Variants in CMTM8 observed in about 807,000 individuals in gnomAD.
CMTM8 encodes CKLF-like MARVEL transmembrane domain-containing protein 8.
A neutral mutation model predicts 18.6 loss-of-function variants in CMTM8; 12 were observed. The ratio of observed to expected loss-of-function variants is 0.65; its 90% CI spans 0.41 to 1.05. The LOEUF (loss-of-function observed/expected upper bound fraction) is 1.05. Among genes scored for constraint, CMTM8 ranks in the 50% least tolerant of loss-of-function variants. CMTM8 has a pLI of 0.00. For synonymous variants in CMTM8, 87 were observed against 90.6 expected (o/e 0.96, Z 0.23); for missense variants, 217 against 227.2 (o/e 0.95, Z 0.29).
intron 1 of CMTM8, among the ~76,000 whole-genome samples, chr3:32,265,617 A>C (rs2125540037): frequency 6.6e-6 from 1 of 152,230 alleles, no homozygotes; most frequent in Non-Finnish European, 1.5e-5. Context: ...GCAGAACTGA[A>C]GGAAATAGAG....
intron 1 of CMTM8, among the ~76,000 whole-genome samples, chr3:32,240,120 A>G (rs1394371052): frequency 6.6e-6 from 1 of 152,218 alleles, no homozygotes; most frequent in Non-Finnish European, 1.5e-5. Flanking sequence ...TGGGAGTTAG[A>G]GAATGGGCAC....
intron 1 of CMTM8, among the ~76,000 whole-genome samples, chr3:32,313,945 G>C (rs1208971718): frequency 2.0e-5 from 3 of 152,136 alleles, no homozygotes; most frequent in Admixed American, 6.6e-5. Flanking sequence ...AGTGAGCCAT[G>C]ATCGTACCAC....
intron 1 of CMTM8, among the ~76,000 whole-genome samples, chr3:32,270,238 T>A (rs11129509): frequency 0.99 from 151,472 of 152,310 alleles, 75,331 homozygotes; most frequent in Middle Eastern, 1. Context: ...TTAAATCATG[T>A]TCGAACAAGT....
Position 32,298,432 on chromosome 3 carries a change from A to AC in CMTM8, c.148-58935dup, listed in dbSNP as rs60162214. On this transcript the variant is annotated intron_variant, in intron 1 of 3. Transcript: ENST00000307526. ...TAAAATACAGAGATACTATAAACATACCCCCCTTTTTTTTTTTTTTTTTTT... is the reference window on the plus strand; with the variant it reads ...TAAAATACAGAGATACTATAAACATACCCCCCCTTTTTTTTTTTTTTTTTTT... Among the ~76,000 whole-genome samples the AC allele has an allele frequency of 3.1e-3, 407 of 131,164 alleles. 3 individuals are homozygous for AC. Among genetic ancestry groups the AC allele is most frequent in the African/African-American group, 7.8e-3 (270 of 34,672 alleles). 86.0% of individuals were successfully genotyped at this position (131,164 alleles called of 152,430 possible). A position where few individuals can be genotyped will look rare whatever the true frequency, so the allele number is the denominator to read the frequency against.
At chr3:32,364,975 C>T (rs568745927) in intron 2 of CMTM8, among the ~76,000 whole-genome samples, 249 of 152,264 alleles carry the variant, frequency 1.6e-3, no homozygotes, top group African/African-American at 5.6e-3. Flanking sequence ...TCCCCCTCCT[C>T]CCCTTCCTAG....
chr3:32,368,117 T>C lies in CMTM8; in HGVS notation c.438+129T>C. On this transcript the variant is annotated intron_variant, in intron 3 of 3. Transcript: ENST00000307526. ...TAGTGACAAATTAGCAATTGGCTTATTGATTTGAAAATATCTAAAACTGGC... is the reference window on the plus strand; with the variant it reads ...TAGTGACAAATTAGCAATTGGCTTACTGATTTGAAAATATCTAAAACTGGC... 5 of 694,770 alleles carry C rather than the reference T, an allele frequency of 7.2e-6. No individual in the cohort carries two copies. The South Asian group carries it at 8.8e-5, about 12-fold the overall frequency. The allele number at this position is 694,770 out of a possible 1,614,324, so 43.0% of individuals were successfully genotyped here.
chr3:32,339,700 A>C (rs934000956), intron 1 of CMTM8, among the ~76,000 whole-genome samples: 9 of 152,160 alleles, frequency 5.9e-5, no homozygotes, highest in African/African-American at 1.9e-4. Flanking sequence ...GCGGTGGCTC[A>C]TGCCTGTAAT....
intron 1 of CMTM8, among the ~76,000 whole-genome samples, chr3:32,254,097 T>A (rs1702147012): frequency 1.3e-5 from 2 of 151,484 alleles, no homozygotes; most frequent in South Asian, 2.1e-4. Flanking sequence ...TTTTACCATG[T>A]TGGCCAGGCT....
At chr3:32,356,142 T>C (rs1051010535) in intron 1 of CMTM8, among the ~76,000 whole-genome samples, 3 of 152,208 alleles carry the variant, frequency 2.0e-5, no homozygotes, top group Non-Finnish European at 4.4e-5. Context: ...GGTGCTCCCG[T>C]GTTAAACAAA....
At chr3:32,307,217 G>A (rs550346834) in intron 1 of CMTM8, among the ~76,000 whole-genome samples, 2 of 152,336 alleles carry the variant, frequency 1.3e-5, no homozygotes, top group African/African-American at 4.8e-5. Context: ...GTGGATGCCT[G>A]TAATCCCAGC....
chr3:32,341,819 G>A lies in CMTM8; in HGVS notation c.148-15554G>A, dbSNP rs112175142. Among the ~76,000 whole-genome samples the A allele has an allele frequency of 5.7e-3, 864 of 152,274 alleles. 14 individuals are homozygous for A. The highest frequency in any genetic ancestry group is 0.02 in the African/African-American group (823 of 41,522). Reference sequence around the variant, plus strand: ...TTGAACCCAGGGGTCGGAGGTTGCAGTGAGCCAAGGTTGCCGCTGCACTCT... The same window carrying A: ...TTGAACCCAGGGGTCGGAGGTTGCAATGAGCCAAGGTTGCCGCTGCACTCT... On this transcript the variant is annotated intron_variant, in intron 1 of 3. Coordinates refer to ENST00000307526, the MANE Select transcript of CMTM8 (RefSeq NM_178868.5).
intron 1 of CMTM8, among the ~76,000 whole-genome samples, chr3:32,312,295 TAA>T (rs1184112322): frequency 6.6e-6 from 1 of 152,146 alleles, no homozygotes; most frequent in East Asian, 1.9e-4. Flanking sequence ...ATCCCTCAGA[TAA>T]AAAGTTTCTT....
chr3:32,243,352 G>A (rs1274266496), intron 1 of CMTM8, among the ~76,000 whole-genome samples: 2 of 151,636 alleles, frequency 1.3e-5, no homozygotes, highest in Non-Finnish European at 2.9e-5. Flanking sequence ...CCAACATGGC[G>A]AAAACCCATC....
At chr3:32,339,302 G>T (rs1361317211) in intron 1 of CMTM8, among the ~76,000 whole-genome samples, 1 of 152,162 alleles carries the variant, frequency 6.6e-6, no homozygotes, top group Admixed American at 6.5e-5. Flanking sequence ...TCCTAAGCAA[G>T]AATAAGGTAA....
chr3:32,347,058 G>A (rs1373761281), intron 1 of CMTM8, among the ~76,000 whole-genome samples: 1 of 151,914 alleles, frequency 6.6e-6, no homozygotes, highest in African/African-American at 2.4e-5. Flanking sequence ...TGAACTCCTG[G>A]GCTCAAGCAA....
chr3:32,304,470 T>C lies in CMTM8; in HGVS notation c.148-52903T>C, dbSNP rs551194966. Reference sequence around the variant, plus strand: ...CAGATCTTTGTAGAATCAATTCCATTGCTCCTTTATTTGTATAGTTACAAG... The same window carrying C: ...CAGATCTTTGTAGAATCAATTCCATCGCTCCTTTATTTGTATAGTTACAAG... On this transcript the variant is annotated intron_variant, in intron 1 of 3. Transcript: ENST00000307526. Among the ~76,000 whole-genome samples, 4 of 152,368 alleles carry C rather than the reference T, an allele frequency of 2.6e-5. No individual in the cohort carries two copies. In the East Asian group the frequency reaches 7.7e-4, roughly 29 times the overall value.
chr3:32,260,079 A>G (rs761838164), intron 1 of CMTM8: 9 of 1,072,918 alleles, frequency 8.4e-6, no homozygotes, highest in African/African-American at 3.1e-5. Context: ...GCCAGCTACC[A>G]TCGCCTGTTG....
At chr3:32,278,791 G>A (rs1702558166) in intron 1 of CMTM8, among the ~76,000 whole-genome samples, 1 of 152,030 alleles carries the variant, frequency 6.6e-6, no homozygotes, top group South Asian at 2.1e-4. Context: ...ACAGACTAAG[G>A]GTCAGTCCTG....
intron 1 of CMTM8, among the ~76,000 whole-genome samples, chr3:32,315,656 A>G (rs1422756795): frequency 2.0e-5 from 3 of 152,180 alleles, no homozygotes; most frequent in Non-Finnish European, 4.4e-5. Context: ...TCCATGCTTT[A>G]ATATGACACA....
Sources: allele counts gnomAD v4.1 joint callset (sites outside exome capture counted in the v4.1 genomes callset), GRCh38; gene constraint gnomAD v4.1.1; transcripts MANE v1.5; gene names NCBI Gene and HGNC (gene_info 2026-07-23, HGNC 2026-07-21).